The following SCN10A variants were observed in gnomAD, a reference collection of about 807,000 sequenced individuals.
SCN10A encodes the protein sodium channel protein type 10 subunit alpha.
In SCN10A, 162 loss-of-function variants were observed where a neutral mutation model predicts 170.7. The observed-to-expected ratio is 0.95, with a 90% CI of 0.84 to 1.08. The LOEUF (loss-of-function observed/expected upper bound fraction) is 1.08, where lower values mean the gene tolerates loss of function less well. SCN10A is among the 50% of genes least tolerant of loss of function. The probability of loss-of-function intolerance (pLI) is 0.00; values close to 1 mark genes in which losing one functional copy is unlikely to be tolerated. For synonymous variants in SCN10A, 985 were observed against 904.6 expected, an observed-to-expected ratio of 1.09 and a Z score of -1.59; for missense variants, 2,527 against 2,436.9, an observed-to-expected ratio of 1.04 and a Z score of -0.78.
At chr3:38,715,594 A>G (rs2063326478) in intron 21 of SCN10A, among the ~76,000 whole-genome samples, 1 of 152,136 alleles carries the variant, frequency 6.6e-6, no homozygotes, top group African/African-American at 2.4e-5. Flanking sequence ...TTTAGCTAAG[A>G]CGGGCCTTCC....
intron 8 of SCN10A, among the ~76,000 whole-genome samples, chr3:38,758,790 C>T (rs1229180891): frequency 1.3e-5 from 2 of 152,172 alleles, no homozygotes; most frequent in South Asian, 2.1e-4. Context: ...CTGGCACCTG[C>T]CCAATAGCAG....
At chr3:38,761,837 T>TGTGTGTGA (rs1187935909) in intron 6 of SCN10A, among the ~76,000 whole-genome samples, 1 of 144,650 alleles carries the variant, frequency 6.9e-6, no homozygotes, top group African/African-American at 2.6e-5. Flanking sequence ...TGTGTGTGTG[T>TGTGTGTGA]GAGAGAGAGA....
rs2063111852 is a variant in SCN10A at position 38,697,949 on chromosome 3, C to T, written c.5271G>A (p.Gln1757=). 1.2e-6 allele frequency: 2 copies of T among 1,614,142 alleles called. No individual in the cohort carries two copies. Among genetic ancestry groups the T allele is most frequent in the Non-Finnish European group, 1.7e-6 (2 of 1,180,024 alleles). Reference sequence around the variant, plus strand: ...CCGAGAGAGCAGAAAAGGTAATAAACTGAGTGGCCTCTGGGTCAAACTTCT... The same window carrying T: ...CCGAGAGAGCAGAAAAGGTAATAAATTGAGTGGCCTCTGGGTCAAACTTCT... ...TWEKFDPEAT[Q]FITFSALSDF... is the part of the protein sequence containing the mutation. The change falls in exon 28 of 28, where the codon CAG becomes CAA. Residue 1757 remains glutamine, a synonymous_variant. Transcript: ENST00000449082.
At chr3:38,761,835 TGTGAGAGA>T (rs1380376532) in intron 6 of SCN10A, among the ~76,000 whole-genome samples, 36 of 132,064 alleles carry the variant, frequency 2.7e-4, no homozygotes, top group African/African-American at 7.6e-4. Flanking sequence ...TGTGTGTGTG[TGTGAGAGA>T]GAGAGAGAGA....
intron 17 of SCN10A, among the ~76,000 whole-genome samples, chr3:38,725,709 C>T (rs1472977940): frequency 2.6e-5 from 4 of 152,234 alleles, no homozygotes; most frequent in Non-Finnish European, 5.9e-5. Context: ...TGTTATTTGT[C>T]CAGAGGTCAA....
chr3:38,802,676 G>C (rs1441536312), intron 1 of SCN10A, among the ~76,000 whole-genome samples: 1 of 152,088 alleles, frequency 6.6e-6, no homozygotes, highest in Non-Finnish European at 1.5e-5. Context: ...TTAAATGTTA[G>C]ACCTAAAACC....
rs370917734 is a variant in SCN10A at position 38,789,045 on chromosome 3, C to G, written c.390-9G>C. 3 of 1,588,832 alleles carry G rather than the reference C, an allele frequency of 1.9e-6. No homozygotes were observed. In the Admixed American group the frequency reaches 5.0e-5, roughly 27 times the overall value. On this transcript the variant is annotated splice_polypyrimidine_tract_variant and intron_variant, in intron 3 of 27. Coordinates refer to ENST00000449082, the MANE Select transcript of SCN10A (RefSeq NM_006514.4). ...TAAATAAACTGAACCACCTGAAAGG[C>G]CTGTGTTAAGGAAAAGCTGAGATCA... is the stretch of plus-strand genomic sequence containing the variant.
intron 19 of SCN10A, among the ~76,000 whole-genome samples, chr3:38,722,832 G>A (rs1316358616): frequency 2.0e-5 from 3 of 152,132 alleles, no homozygotes; most frequent in African/African-American, 7.2e-5. Context: ...CCAGCCCAGG[G>A]TCAAATAAAA....
At chr3:38,792,000 A>G (rs752602102) in intron 3 of SCN10A, 50 bp downstream of exon 3, 1 of 1,604,484 alleles carries the variant, frequency 6.2e-7, no homozygotes. Context: ...TGGACACAGT[A>G]GGCAAGGTCT....
intron 6 of SCN10A, among the ~76,000 whole-genome samples, chr3:38,762,583 G>A (rs554917970): frequency 6.6e-6 from 1 of 152,232 alleles, no homozygotes; most frequent in Non-Finnish European, 1.5e-5. Flanking sequence ...GTGAGGAGAG[G>A]TGAGAGATGA....
At chr3:38,814,140 C>T (rs1412348826) in intron 1 of SCN10A, among the ~76,000 whole-genome samples, 2 of 152,198 alleles carry the variant, frequency 1.3e-5, no homozygotes, top group Middle Eastern at 3.4e-3. Flanking sequence ...GGCACTATGC[C>T]TTGTGAGAGA....
At chr3:38,751,819 C>T (rs886292730) in intron 12 of SCN10A, among the ~76,000 whole-genome samples, 1 of 152,128 alleles carries the variant, frequency 6.6e-6, no homozygotes, top group East Asian at 1.9e-4. Context: ...TCTCTGGGTG[C>T]CATTTGCCCA....
At chr3:38,763,781 G>C (rs1575161310) in intron 5 of SCN10A, among the ~76,000 whole-genome samples, 185 bp from the exon 6 acceptor site, 1 of 152,250 alleles carries the variant, frequency 6.6e-6, no homozygotes, top group Admixed American at 6.5e-5. Context: ...ACATCTTTCA[G>C]AGTGGACCCT....
At chr3:38,738,411 CT>C (rs1329543299) in intron 15 of SCN10A, among the ~76,000 whole-genome samples, 2 of 152,168 alleles carry the variant, frequency 1.3e-5, no homozygotes, top group Non-Finnish European at 2.9e-5. Context: ...TTTGCCACCC[CT>C]AATCCAGGTA....
chr3:38,714,455 C>T (rs2063310259), intron 21 of SCN10A, among the ~76,000 whole-genome samples: 1 of 152,132 alleles, frequency 6.6e-6, no homozygotes. Context: ...ATGATGTTCC[C>T]TCCTAGGGGC....
At position 38,755,946 on chromosome 3, in the gene SCN10A, G is replaced by A. The variant is rs1241670761; in HGVS notation, c.1303C>T (p.Leu435=). ...LRKEQEVLAA[L]GIDTTSLHSH... ...TGGAGAGAGGTTGTGTCAATCCCTA[G>A]TGCTGCTAGCACCTGCGAAGAGAGA... Residue 435 remains leucine, a synonymous_variant, in exon 11 of 28, where the codon CTA becomes TTA. Transcript: ENST00000449082. 2 of 1,614,178 alleles carry A rather than the reference G, an allele frequency of 1.2e-6. No individual in the cohort carries two copies. Among genetic ancestry groups the A allele is most frequent in the Admixed American group, 3.3e-5 (2 of 60,020 alleles).
chr3:38,806,338 G>A (rs1042013643), intron 1 of SCN10A, among the ~76,000 whole-genome samples: 1 of 152,146 alleles, frequency 6.6e-6, no homozygotes, highest in Non-Finnish European at 1.5e-5. Flanking sequence ...AATGGGATCA[G>A]AAAGAAGGAA....
intron 17 of SCN10A, among the ~76,000 whole-genome samples, chr3:38,725,914 G>A (rs986464363): frequency 6.6e-6 from 1 of 152,188 alleles, no homozygotes; most frequent in African/African-American, 2.4e-5. Context: ...CTATGGGAGA[G>A]CTACAGACTC....
chr3:38,785,166 A>G (rs2064183184), intron 4 of SCN10A, among the ~76,000 whole-genome samples: 2 of 152,228 alleles, frequency 1.3e-5, no homozygotes, highest in South Asian at 4.1e-4. Context: ...AAGAGCCCGC[A>G]TAGTCAAGAC....
Sources: gnomAD v4.1 joint callset for allele counts (sites outside exome capture counted in the v4.1 genomes callset) on GRCh38, gnomAD v4.1.1 for gene constraint, MANE v1.5 for transcripts, NCBI Gene and HGNC (gene_info 2026-07-23, HGNC 2026-07-21) for gene names.